Variants in ARHGAP39 observed in about 807,000 individuals in gnomAD.
ARHGAP39 encodes the protein Rho GTPase activating protein 39.
Under a neutral mutation model 106.9 loss-of-function variants are expected in ARHGAP39, and 44 were observed. That is an observed-to-expected ratio of 0.41 (90% CI 0.32 to 0.53). The LOEUF is 0.53. Among genes scored for constraint, ARHGAP39 ranks in the 20% least tolerant of loss-of-function variants. ARHGAP39 has a pLI of 0.21. For missense variants in ARHGAP39, 1,496 were observed against 1,577.3 expected (o/e 0.95, Z 0.87); for synonymous variants, 768 against 693.2 (o/e 1.11, Z -1.69).
intron 4 of ARHGAP39, among the ~76,000 whole-genome samples, chr8:144,554,541 C>T (rs1817842949): frequency 6.6e-6 from 1 of 152,162 alleles, no homozygotes. Context: ...GATGCAGTCG[C>T]GTTGGTCCAC....
chr8:144,533,768 C>T (rs865951211), intron 8 of ARHGAP39, among the ~76,000 whole-genome samples: 2 of 152,288 alleles, frequency 1.3e-5, no homozygotes, highest in Admixed American at 6.5e-5. Context: ...GGGCTGAGAG[C>T]GCTGGGGAGG....
chr8:144,669,556 C>CAA (rs1432579212), intron 1 of ARHGAP39, among the ~76,000 whole-genome samples: 5 of 137,320 alleles, frequency 3.6e-5, no homozygotes, highest in Non-Finnish European at 7.8e-5. Context: ...TTATGTACTG[C>CAA]AAAAAATAAA....
chr8:144,563,723 C>G (rs889548724), intron 3 of ARHGAP39, among the ~76,000 whole-genome samples: 2 of 151,924 alleles, frequency 1.3e-5, no homozygotes, highest in African/African-American at 2.4e-5. Context: ...CCCAGGAGTT[C>G]AAGGCTGCAG....
intron 1 of ARHGAP39, among the ~76,000 whole-genome samples, chr8:144,665,466 C>A (rs767964604): frequency 6.6e-6 from 1 of 152,212 alleles, no homozygotes; most frequent in African/African-American, 2.4e-5. Context: ...ATGTCAGAGA[C>A]CTTCATGGCA....
chr8:144,690,630 A>G (rs1028416211), upstream of ARHGAP39, among the ~76,000 whole-genome samples: 1 of 150,344 alleles, frequency 6.7e-6, no homozygotes, highest in African/African-American at 2.4e-5. Flanking sequence ...GTGTCTGTTC[A>G]CATCTTTTGC....
the ARHGAP39 span, among the ~76,000 whole-genome samples, chr8:144,692,192 C>T: frequency 6.6e-6 from 1 of 152,130 alleles, no homozygotes; most frequent in East Asian, 1.9e-4. Context: ...GTCTCTTTCC[C>T]CCTCCCTCTC....
intron 2 of ARHGAP39, among the ~76,000 whole-genome samples, chr8:144,602,176 T>TGCGA: frequency 1.5e-5 from 2 of 132,312 alleles, no homozygotes; most frequent in Non-Finnish European, 3.2e-5. Context: ...GAGGCGTGTG[T>TGCGA]GCTCGTGTAC....
rs111243144 is a variant in ARHGAP39 at position 144,644,722 on chromosome 8, C to A, written c.-81-39027G>T. ...TTCATCATCAACCCAGGCCAAACCACGTCCCTGTCCGTGACTTCGCACCTG... is the reference window on the plus strand; with the variant it reads ...TTCATCATCAACCCAGGCCAAACCAAGTCCCTGTCCGTGACTTCGCACCTG... On this transcript the variant is annotated intron_variant, in intron 1 of 11. Coordinates refer to ENST00000377307, the MANE Select transcript of ARHGAP39 (RefSeq NM_025251.3). This position sits in a 1 kb window ranked among gnomAD's most constrained non-coding sequence, Gnocchi z 4.8. Among the ~76,000 whole-genome samples the A allele has an allele frequency of 2.0e-5, 3 of 152,332 alleles. No individual in the cohort carries two copies. The highest frequency in any genetic ancestry group is 7.2e-5 in the African/African-American group (3 of 41,570).
At chr8:144,639,187 C>T (rs780398256) in intron 1 of ARHGAP39, among the ~76,000 whole-genome samples, 4 of 151,794 alleles carry the variant, frequency 2.6e-5, no homozygotes, top group Admixed American at 6.6e-5. Context: ...ATTAGCCGGG[C>T]ATGGTGGTAC....
rs893006649 is a variant in ARHGAP39 at position 144,586,817 on chromosome 8, C to T, written c.81-5540G>A. ...GCTGTCGGTCTGCTCTGCAGGACAGCAGCCATCAGCAACCCTACATGGCTG... is the reference window on the plus strand; with the variant it reads ...GCTGTCGGTCTGCTCTGCAGGACAGTAGCCATCAGCAACCCTACATGGCTG... On this transcript the variant is annotated intron_variant, in intron 2 of 11. Transcript: ENST00000377307. This position sits in a 1 kb window ranked among gnomAD's most constrained non-coding sequence, Gnocchi z 4.2. Among the ~76,000 whole-genome samples, 5 of 152,334 alleles carry T rather than the reference C, an allele frequency of 3.3e-5. No individual in the cohort carries two copies. The highest frequency in any genetic ancestry group is 9.6e-5 in the African/African-American group (4 of 41,572).
At chr8:144,685,329 G>A (rs1372886893) in intron 1 of ARHGAP39, among the ~76,000 whole-genome samples, 2 of 150,598 alleles carry the variant, frequency 1.3e-5, no homozygotes, top group Admixed American at 6.6e-5. Context: ...CTAGGGCAGG[G>A]ACACAACTCA....
In ARHGAP39 at chr8:144,530,516, G is replaced by A. The variant is rs1291739625; in HGVS notation, c.3251C>T (p.Pro1084Leu). 5 of 1,612,108 alleles carry A rather than the reference G, an allele frequency of 3.1e-6. No homozygotes were observed. Among genetic ancestry groups the A allele is most frequent in the South Asian group, 2.2e-5 (2 of 90,906 alleles). Residue 1084 changes from proline to leucine, a missense_variant, in exon 12 of 12, where the codon CCG becomes CTG. Coordinates refer to ENST00000377307, the MANE Select transcript of ARHGAP39 (RefSeq NM_025251.3). ...GCGGGTGTTCTCGAAGATGACGCGC[G>A]GGTCGTCGGACTGGCAGCGCAAGCA... ...PNCLRCQSDD[P>L]RVIFENTRKE...
chr8:144,546,696 T>G (rs1431776200), intron 5 of ARHGAP39, among the ~76,000 whole-genome samples: 1 of 152,066 alleles, frequency 6.6e-6, no homozygotes, highest in Non-Finnish European at 1.5e-5. Flanking sequence ...TCCCGGCAGT[T>G]CTTCCTACCC....
rs368088588 is a variant in ARHGAP39, at chr8:144,619,492, G to C, written c.-81-13797C>G. ...CTCGTGTGTCCCTGAGAGACCGTTT[G>C]TGTGAGCCTCTGTGTCCCTGAGAAA... is the stretch of plus-strand genomic sequence containing the variant. On this transcript the variant is annotated intron_variant, in intron 1 of 11. Transcript: ENST00000377307. Among the ~76,000 whole-genome samples, 7 of 152,032 alleles carry C rather than the reference G, an allele frequency of 4.6e-5. No individual in the cohort carries two copies. The East Asian group carries it at 9.7e-4, about 21-fold the overall frequency.
At chr8:144,561,696 T>C (rs1466548635) in intron 3 of ARHGAP39, among the ~76,000 whole-genome samples, 1 of 151,094 alleles carries the variant, frequency 6.6e-6, no homozygotes, top group Non-Finnish European at 1.5e-5. Context: ...GCTCCAGTGG[T>C]TTCCATCACA....
chr8:144,688,818 T>C (rs1334165293), upstream of ARHGAP39, among the ~76,000 whole-genome samples: 1 of 152,216 alleles, frequency 6.6e-6, no homozygotes, highest in Non-Finnish European at 1.5e-5. Context: ...CCTAAAGTTA[T>C]ATAGAAATCC....
intron 4 of ARHGAP39, among the ~76,000 whole-genome samples, chr8:144,549,694 C>T (rs928669879): frequency 8.5e-5 from 13 of 152,218 alleles, no homozygotes; most frequent in Non-Finnish European, 1.6e-4. Flanking sequence ...GGGGTTTCAC[C>T]GTGTTGGCCA....
intron 1 of ARHGAP39, among the ~76,000 whole-genome samples, chr8:144,618,628 C>T (rs1820701152): frequency 6.6e-6 from 1 of 152,224 alleles, no homozygotes; most frequent in Non-Finnish European, 1.5e-5. Flanking sequence ...AGGCCCAGGG[C>T]CAGCCTCAGC....
intron 6 of ARHGAP39, among the ~76,000 whole-genome samples, chr8:144,541,353 TTC>T (rs1437794484): frequency 6.6e-6 from 1 of 152,248 alleles, no homozygotes; most frequent in Non-Finnish European, 1.5e-5. Flanking sequence ...CTTTTCCATT[TTC>T]TTTTTCTTTG....
Sources: allele counts gnomAD v4.1 joint callset (sites outside exome capture counted in the v4.1 genomes callset), GRCh38; gene constraint gnomAD v4.1.1; non-coding constraint Gnocchi (gnomAD v3.1); transcripts MANE v1.5; gene names NCBI Gene and HGNC (gene_info 2026-07-23, HGNC 2026-07-21).